The following IGSF9B variants were observed in gnomAD, a reference collection of about 807,000 sequenced individuals.
The protein encoded by IGSF9B is protein turtle homolog B.
A neutral mutation model predicts 143.7 loss-of-function variants in IGSF9B; 48 were observed. The observed-to-expected ratio is 0.33, with a 90% CI of 0.26 to 0.42. IGSF9B has a LOEUF of 0.42. Among genes scored for constraint, IGSF9B ranks in the 20% least tolerant of loss-of-function variants. The probability of loss-of-function intolerance (pLI) is 1.00; values close to 1 mark genes in which losing one functional copy is unlikely to be tolerated. For synonymous variants in IGSF9B, 903 were observed against 833.1 expected, an observed-to-expected ratio of 1.08 and a Z score of -1.44; for missense variants, 1,706 against 1,980.0, an observed-to-expected ratio of 0.86 and a Z score of 2.63.
At chr11:133,930,874 G>C in intron 11 of IGSF9B, 110 bp downstream of exon 11, 1 of 1,128,350 alleles carries the variant, frequency 8.9e-7, no homozygotes, top group Non-Finnish European at 1.2e-6. Context: ...CTTAGGAAGG[G>C]AGCCCGCAGA....
rs1387979093 is a variant in IGSF9B at position 133,900,230 on chromosome 11, G to C, written c.*8839C>G. ...CTTAGGGAGTGCCATGTCTTGGTTA[G>C]GAAAGGGGTTAGTACTGCCCTTTTC... is the stretch of plus-strand genomic sequence containing the variant. On this transcript the variant is annotated 3_prime_UTR_variant, in exon 20 of 20. Coordinates refer to ENST00000533871, the MANE Select transcript of IGSF9B (RefSeq NM_001277285.4). The C allele has an allele frequency of 2.0e-5, 3 of 152,636 alleles. No homozygotes were observed. The highest frequency in any genetic ancestry group is 2.0e-4 in the Admixed American group (3 of 15,280). 9.5% of individuals were successfully genotyped at this position (152,636 alleles called of 1,614,324 possible).
At position 133,937,356 on chromosome 11, in the gene IGSF9B, G is replaced by T; in HGVS notation, c.679+20C>A. Reference sequence around the variant, plus strand: ...CCCGCGGGAGCCCAGGGTTAAAGAGGCTGAGGAAATGGCTCCTACCTTGGA... The same window carrying T: ...CCCGCGGGAGCCCAGGGTTAAAGAGTCTGAGGAAATGGCTCCTACCTTGGA... On this transcript the variant is annotated intron_variant, in intron 5 of 19. Coordinates refer to ENST00000533871, the MANE Select transcript of IGSF9B (RefSeq NM_001277285.4). The T allele has an allele frequency of 6.4e-7, 1 of 1,568,480 alleles. No individual in the cohort carries two copies. The highest frequency in any genetic ancestry group is 8.8e-7 in the Non-Finnish European group (1 of 1,140,932).
rs538837010 is a variant in IGSF9B at position 133,929,763 on chromosome 11, C to T, written c.1539G>A (p.Pro513=). The stretch of plus-strand genomic sequence containing the variant: ...TGGAGACCTGGACCCGGACACTGCC[C>T]GGGGCATGGGGGCTGGTGCCTGGAG... ...LTVIGTSPHA[P]GSVRVQVSMT... is the part of the protein sequence containing the mutation. The change falls in exon 12 of 20, where the codon CCG becomes CCA. Residue 513 remains proline (P), a synonymous_variant. Transcript: ENST00000533871. 92 of 1,613,564 alleles carry T rather than the reference C, an allele frequency of 5.7e-5. No individual in the cohort carries two copies. The highest frequency in any genetic ancestry group is 3.8e-4 in the South Asian group (35 of 91,054).
intron 18 of IGSF9B, chr11:133,919,118 CG>C (rs59914981): frequency 0.05 from 3,269 of 65,700 alleles, 9 homozygotes; most frequent in South Asian, 0.13. Context: ...GCGAGGTATA[CG>C]GGGGGGGGGT....
rs919664357 is a variant in IGSF9B, at chr11:133,908,138, C to T, written c.*931G>A. Among the ~76,000 whole-genome samples, 3 of 152,152 alleles carry T rather than the reference C, an allele frequency of 2.0e-5. No individual in the cohort carries two copies. Among genetic ancestry groups the T allele is most frequent in the Non-Finnish European group, 4.4e-5 (3 of 68,034 alleles). On this transcript the variant is annotated 3_prime_UTR_variant, in exon 20 of 20. Transcript: ENST00000533871. ...CTCACGGCCTGGCTGGGCGGAAGGG[C>T]GCCGACGGATGCGCTGGACATGTGC...
chr11:133,927,028 G>T lies in IGSF9B; in HGVS notation c.1695C>A (p.Ser565Arg), dbSNP rs1290792526. The T allele has an allele frequency of 6.4e-7, 1 of 1,568,980 alleles. No individual in the cohort carries two copies. The highest frequency in any genetic ancestry group is 1.2e-5 in the South Asian group (1 of 85,106). ...GCTCCAGGGTGTCCACCAGCAGCCA[G>T]CTGGGTCCTGGCGGCACTGGCAAGG... ...WLSLPVPPGPSWLLVDTLEPE... is the reference protein window; with the variant it reads ...WLSLPVPPGPRWLLVDTLEPE... The change falls in exon 13 of 20, where the codon AGC becomes AGA. Residue 565 changes from serine to arginine, a missense_variant. Transcript: ENST00000533871.
Position 133,896,982 on chromosome 11 carries a change from C to T in IGSF9B, c.*12087G>A, listed in dbSNP as rs1438308353. Reference sequence around the variant, plus strand: ...GGCCCAGCAGCAGGATGCCCAGGGTCCCTGCAGGAAGAACCCTCTTCCCCA... The same window carrying T: ...GGCCCAGCAGCAGGATGCCCAGGGTTCCTGCAGGAAGAACCCTCTTCCCCA... On this transcript the variant is annotated 3_prime_UTR_variant, in exon 20 of 20. Transcript: ENST00000533871. 9.9e-5 allele frequency: 15 copies of T among 152,278 alleles called. No homozygotes were observed. The highest frequency in any genetic ancestry group is 9.8e-4 in the Admixed American group (15 of 15,266). The allele number at this position is 152,278 out of a possible 1,614,324, so 9.4% of individuals were successfully genotyped here. A position where few individuals can be genotyped will look rare whatever the true frequency, so the allele number is the denominator to read the frequency against.
chr11:133,956,038 G>T (rs1940246658), intron 1 of IGSF9B, among the ~76,000 whole-genome samples: 3 of 151,774 alleles, frequency 2.0e-5, no homozygotes, highest in Admixed American at 2.0e-4. Context: ...CGCGGGGGCC[G>T]GCGGGGTCCA....
In IGSF9B at chr11:133,946,159, G is replaced by A; in HGVS notation, c.164C>T (p.Pro55Leu). The A allele has an allele frequency of 6.2e-7, 1 of 1,613,216 alleles. No individual in the cohort carries two copies. The highest frequency in any genetic ancestry group is 8.5e-7 in the Non-Finnish European group (1 of 1,179,584). ...CDVIHPVTGQ[P>L]PPYVVEWFKF... ...GAACCACTCTACGACATAGGGTGGG[G>A]GCTGTCCCGTCACTGGGTGGATCAC... The change falls in exon 2 of 20, where the codon CCC (proline) becomes CTC (leucine). Residue 55 changes from proline to leucine, a missense_variant. Coordinates refer to ENST00000533871, the MANE Select transcript of IGSF9B (RefSeq NM_001277285.4).
At chr11:133,932,011 T>C in intron 8 of IGSF9B, 60 bp downstream of exon 8, 1 of 1,560,730 alleles carries the variant, frequency 6.4e-7, no homozygotes. Flanking sequence ...AGCCCAGAGG[T>C]GGCATCACAG....
At position 133,920,695 on chromosome 11, in the gene IGSF9B, G is replaced by A; in HGVS notation, c.3030C>T (p.Pro1010=). ...TCTCTCCATTCTCCTCGGGGATGGT[G>A]GGGTGGCCAAAGGGCCCCTCGGTGG... is the stretch of plus-strand genomic sequence containing the variant. ...PLPTEGPFGH[P]TIPEENGENA... is the part of the protein sequence containing the mutation. The change falls in exon 18 of 20, where the codon CCC becomes CCT. Residue 1010 remains proline, a synonymous_variant. Coordinates refer to ENST00000533871, the MANE Select transcript of IGSF9B (RefSeq NM_001277285.4). The A allele has an allele frequency of 6.2e-7, 1 of 1,613,460 alleles. No homozygotes were observed. The highest frequency in any genetic ancestry group is 8.5e-7 in the Non-Finnish European group (1 of 1,179,746).
rs1939125893 is a variant in IGSF9B, at chr11:133,901,820, CCACACACACAAA to C, written c.*7237_*7248del. 6.7e-6 allele frequency among the ~76,000 whole-genome samples: 1 copy of C among 148,840 alleles called. No individual in the cohort carries two copies. The highest frequency in any genetic ancestry group is 1.5e-5 in the Non-Finnish European group (1 of 66,934). On this transcript the variant is annotated 3_prime_UTR_variant, in exon 20 of 20. Coordinates refer to ENST00000533871, the MANE Select transcript of IGSF9B (RefSeq NM_001277285.4). ...CACCACACACAACAGACACACCACA[CCACACACACAAA>C]CACACACACACCACACACGCACCAC...
At position 133,931,966 on chromosome 11, in the gene IGSF9B, T is replaced by C. The variant is rs1939739497; in HGVS notation, c.1110+105A>G. 1 of 1,509,206 alleles carries C rather than the reference T, an allele frequency of 6.6e-7. No individual in the cohort carries two copies. Among genetic ancestry groups the C allele is most frequent in the African/African-American group, 1.4e-5 (1 of 71,540 alleles). The allele number at this position is 1,509,206 out of a possible 1,614,324, so 93.5% of individuals were successfully genotyped here. ...AGCAGCTCTCTGTTTGCCCAGGGCT[T>C]TTGGAAGGGGCCAGGAGTCCTGGCA... On this transcript the variant is annotated intron_variant, in intron 8 of 19. Coordinates refer to ENST00000533871, the MANE Select transcript of IGSF9B (RefSeq NM_001277285.4). The surrounding 1 kb of genome is among the most constrained non-coding windows in gnomAD (Gnocchi z 7.7).
rs575342239 is a variant in IGSF9B at position 133,921,111 on chromosome 11, T to C, written c.2614A>G (p.Arg872Gly). 1.4e-5 allele frequency: 23 copies of C among 1,613,814 alleles called. No individual in the cohort carries two copies. The South Asian group carries it at 2.2e-4, about 15-fold the overall frequency. ...PAEMEPSLKS[R>G]RIEGFPFAEE... Reference sequence around the variant, plus strand: ...GCGAAGGGGAAGCCCTCGATGCGCCTGCTCTTCAGCGAGGGCTCCATCTCG... The same window carrying C: ...GCGAAGGGGAAGCCCTCGATGCGCCCGCTCTTCAGCGAGGGCTCCATCTCG... The change falls in exon 18 of 20, where the codon AGG becomes GGG. Residue 872 changes from arginine (R) to glycine (G), a missense_variant. Arg to Gly is a moderately radical substitution (Grantham distance 125). Transcript: ENST00000533871.
At position 133,908,097 on chromosome 11, in the gene IGSF9B, G is replaced by A. The variant is rs369865844; in HGVS notation, c.*972C>T. ...AGCACAGGTGGCTCCGCAGTGGGGA[G>A]ACTTTGGCCACAGAGCTCACGGCCT... is the stretch of plus-strand genomic sequence containing the variant. On this transcript the variant is annotated 3_prime_UTR_variant, in exon 20 of 20. Coordinates refer to ENST00000533871, the MANE Select transcript of IGSF9B (RefSeq NM_001277285.4). 6.6e-6 allele frequency among the ~76,000 whole-genome samples: 1 copy of A among 152,228 alleles called. No homozygotes were observed. Among genetic ancestry groups the A allele is most frequent in the East Asian group, 1.9e-4 (1 of 5,190 alleles).
Position 133,924,900 on chromosome 11 carries a change from G to A in IGSF9B, c.2039C>T (p.Thr680Met), listed in dbSNP as rs754434093. ...EFFAKDLSQD[T>M]WYEFRVLAVM... ...GGCCAGAACCCGGAACTCATACCAC[G>A]TGTCCTGCAGCCCCAGGGACAATAC... Residue 680 changes from threonine to methionine, a missense_variant, in exon 15 of 20, where the codon ACG becomes ATG. Around this residue, in one of 7 missense-constraint regions of IGSF9B, gnomAD observed 267 missense variants for 321.1 expected, o/e 0.83. Transcript: ENST00000533871. 1.5e-5 allele frequency: 24 copies of A among 1,613,308 alleles called. No homozygotes were observed. In the East Asian group the frequency reaches 1.8e-4, roughly 12 times the overall value.
At position 133,910,480 on chromosome 11, in the gene IGSF9B, T is replaced by G. The variant is rs557383003; in HGVS notation, c.4106-1203A>C. Among the ~76,000 whole-genome samples, 97 of 152,250 alleles carry G rather than the reference T, an allele frequency of 6.4e-4. 2 individuals carry two copies. The South Asian group carries it at 7.3e-3, about 11-fold the overall frequency. On this transcript the variant is annotated intron_variant, in intron 19 of 19. Transcript: ENST00000533871. The stretch of plus-strand genomic sequence containing the variant: ...TACCTAGCGGGCTCGACGTAAGATG[T>G]GAAGGCAAGGGAAGAATCTGGGAAT...
Position 133,919,857 on chromosome 11 carries a change from C to G in IGSF9B, c.3868G>C (p.Ala1290Pro). ...AAGCTGTCCCCAGGCCCAGCAGGGGCGGGGCCGGGTGGAGGGGAAGGGTAG... is the reference window on the plus strand; with the variant it reads ...AAGCTGTCCCCAGGCCCAGCAGGGGGGGGGCCGGGTGGAGGGGAAGGGTAG... ...TGYPSPPPGP[A>P]PAGPGDSLDV... is the part of the protein sequence containing the mutation. Residue 1290 changes from alanine to proline, a missense_variant, in exon 18 of 20, where the codon GCC becomes CCC. Around this residue, in one of 7 missense-constraint regions of IGSF9B, gnomAD observed 880 missense variants for 762.9 expected, o/e 1.15. Coordinates refer to ENST00000533871, the MANE Select transcript of IGSF9B (RefSeq NM_001277285.4). 6.3e-7 allele frequency: 1 copy of G among 1,585,672 alleles called. No individual in the cohort carries two copies. The highest frequency in any genetic ancestry group is 8.6e-7 in the Non-Finnish European group (1 of 1,165,570).
At chr11:133,917,419 C>G (rs1317132665) in intron 18 of IGSF9B, among the ~76,000 whole-genome samples, 1 of 152,074 alleles carries the variant, frequency 6.6e-6, no homozygotes, top group African/African-American at 2.4e-5. Flanking sequence ...GGTTTCACTT[C>G]CTGCCAGCTC....
Sources: gnomAD v4.1 joint callset for allele counts (sites outside exome capture counted in the v4.1 genomes callset) on GRCh38, gnomAD v4.1.1 for gene constraint, gnomAD v4.1.1 regional missense constraint, Gnocchi (gnomAD v3.1) non-coding constraint, MANE v1.5 for transcripts, NCBI Gene and HGNC (gene_info 2026-07-23, HGNC 2026-07-21) for gene names.